Variants in COX7B2 observed in about 807,000 individuals in gnomAD.
COX7B2 encodes cytochrome c oxidase subunit 7B2, mitochondrial.
For missense variants in COX7B2, 109 were observed against 95.9 expected (o/e 1.14, Z -0.57); for synonymous variants, 37 against 32.1 (o/e 1.15, Z -0.51).
intron 2 of COX7B2, among the ~76,000 whole-genome samples, chr4:46,751,101 A>G (rs910820063): frequency 6.6e-6 from 1 of 151,724 alleles, no homozygotes; most frequent in Non-Finnish European, 1.5e-5. Flanking sequence ...ACCTTCTTTC[A>G]GTTTTCTGGA....
At chr4:46,865,466 T>C (rs1418757176) in intron 1 of COX7B2, among the ~76,000 whole-genome samples, 1 of 152,226 alleles carries the variant, frequency 6.6e-6, no homozygotes, top group African/African-American at 2.4e-5. Flanking sequence ...CTTTGGTCCA[T>C]TACCTTTGTA....
intron 2 of COX7B2, among the ~76,000 whole-genome samples, chr4:46,785,984 A>G (rs553704198): frequency 2.6e-4 from 39 of 152,316 alleles, no homozygotes; most frequent in African/African-American, 8.2e-4. Context: ...AAAGTGACTG[A>G]TACAGTTAAA....
intron 2 of COX7B2, among the ~76,000 whole-genome samples, chr4:46,803,370 G>C (rs1174580994): frequency 6.6e-6 from 1 of 151,732 alleles, no homozygotes; most frequent in South Asian, 2.1e-4. Context: ...AAAAAATTTG[G>C]GATATAATTA....
At chr4:46,776,787 C>A (rs971853808) in intron 2 of COX7B2, among the ~76,000 whole-genome samples, 10 of 152,114 alleles carry the variant, frequency 6.6e-5, no homozygotes, top group African/African-American at 2.4e-4. Flanking sequence ...ATGAACCTCA[C>A]CCCTTACTTA....
At chr4:46,779,168 TA>T (rs1484774258) in intron 2 of COX7B2, among the ~76,000 whole-genome samples, 3 of 152,194 alleles carry the variant, frequency 2.0e-5, no homozygotes. Context: ...AAAATTTACT[TA>T]TATTATTACA....
At chr4:46,866,310 G>C (rs1283581329) in intron 1 of COX7B2, among the ~76,000 whole-genome samples, 1 of 152,280 alleles carries the variant, frequency 6.6e-6, no homozygotes, top group East Asian at 1.9e-4. Flanking sequence ...GCAGAGAACA[G>C]ATGTTACACC....
chr4:46,901,221 A>G (rs144322581), intron 1 of COX7B2, among the ~76,000 whole-genome samples: 266 of 152,322 alleles, frequency 1.7e-3, no homozygotes, highest in Middle Eastern at 0.01. Context: ...ACACTGCCTC[A>G]ACATGAATAT....
chr4:46,808,142 T>G (rs1719099275), intron 2 of COX7B2, among the ~76,000 whole-genome samples: 2 of 151,912 alleles, frequency 1.3e-5, no homozygotes, highest in African/African-American at 2.4e-5. Context: ...ATATTAACTC[T>G]TCTTATCCAT....
chr4:46,782,478 C>T lies in COX7B2; in HGVS notation c.-49-47237G>A, dbSNP rs182564488. On this transcript the variant is annotated intron_variant, in intron 2 of 2. Coordinates refer to ENST00000355591, the MANE Select transcript of COX7B2 (RefSeq NM_130902.3). ...GCTCAAGGTTTGTAAATGCACCAAT[C>T]AGCTCTCTGTAAAATGGGCCAATCA... 8.5e-5 allele frequency among the ~76,000 whole-genome samples: 13 copies of T among 152,254 alleles called. No homozygotes were observed. The East Asian group carries it at 2.5e-3, about 29-fold the overall frequency.
intron 1 of COX7B2, among the ~76,000 whole-genome samples, chr4:46,880,855 A>AG (rs1718674807): frequency 2.4e-5 from 1 of 40,936 alleles, no homozygotes; most frequent in Non-Finnish European, 4.7e-5. Context: ...GGGTTGGGGG[A>AG]GGGGGGAGGG....
At chr4:46,837,367 C>T (rs1057432678) in intron 2 of COX7B2, among the ~76,000 whole-genome samples, 1 of 151,434 alleles carries the variant, frequency 6.6e-6, no homozygotes, top group Non-Finnish European at 1.5e-5. Context: ...CACACTACAA[C>T]ATGGATAAAC....
At chr4:46,773,772 A>G (rs1198679991) in intron 2 of COX7B2, among the ~76,000 whole-genome samples, 2 of 152,130 alleles carry the variant, frequency 1.3e-5, no homozygotes, top group African/African-American at 2.4e-5. Context: ...TTTTTAATAG[A>G]CTTAATTTCT....
intron 2 of COX7B2, among the ~76,000 whole-genome samples, chr4:46,813,996 C>A (rs1719421686): frequency 6.6e-6 from 1 of 152,006 alleles, no homozygotes; most frequent in Non-Finnish European, 1.5e-5. Context: ...TTATCTCATC[C>A]CCATTAAAAA....
chr4:46,884,348 T>C (rs1331328154), intron 1 of COX7B2, among the ~76,000 whole-genome samples: 2 of 152,188 alleles, frequency 1.3e-5, no homozygotes, highest in Admixed American at 1.3e-4. Context: ...TGAGCCACCA[T>C]GGCCAGACTG....
chr4:46,740,231 T>C (rs533812085), intron 2 of COX7B2, among the ~76,000 whole-genome samples: 2 of 152,172 alleles, frequency 1.3e-5, no homozygotes, highest in South Asian at 4.1e-4. Flanking sequence ...AATTGAGTCA[T>C]ACCAAAGCTT....
chr4:46,836,944 A>C (rs908044874), intron 2 of COX7B2, among the ~76,000 whole-genome samples: 1 of 152,176 alleles, frequency 6.6e-6, no homozygotes, highest in African/African-American at 2.4e-5. Flanking sequence ...GTTATGCGGC[A>C]CATGAATATA....
chr4:46,879,748 A>G (rs1718589130), intron 1 of COX7B2, among the ~76,000 whole-genome samples: 2 of 151,740 alleles, frequency 1.3e-5, no homozygotes, highest in Admixed American at 1.3e-4. Context: ...CAATTGAGAC[A>G]TATTTTGTTT....
At chr4:46,802,271 T>C (rs1235885440) in intron 2 of COX7B2, among the ~76,000 whole-genome samples, 1 of 152,168 alleles carries the variant, frequency 6.6e-6, no homozygotes, top group Non-Finnish European at 1.5e-5. Context: ...GGACCTATAT[T>C]GTGGTTTTGT....
chr4:46,881,887 T>C (rs931897133), intron 1 of COX7B2, among the ~76,000 whole-genome samples: 1 of 152,184 alleles, frequency 6.6e-6, no homozygotes, highest in Admixed American at 6.5e-5. Flanking sequence ...GTTGTGATGT[T>C]ACACTGTTAA....
Sources: gnomAD v4.1 joint callset for allele counts (sites outside exome capture counted in the v4.1 genomes callset) on GRCh38, gnomAD v4.1.1 for gene constraint, MANE v1.5 for transcripts, NCBI Gene and HGNC (gene_info 2026-07-23, HGNC 2026-07-21) for gene names.